ADGRL3: variants seen among roughly 807,000 people sequenced by gnomAD.
ADGRL3 encodes the protein adhesion G protein-coupled receptor L3, also known as calcium-independent alpha-latrotoxin receptor 3.
ADGRL3 carries 62 observed loss-of-function variants against 153.5 expected under a neutral mutation model. The observed-to-expected ratio is 0.40, with a 90% CI of 0.33 to 0.50. The LOEUF is 0.50. ADGRL3 is among the 20% of genes least tolerant of loss of function. The pLI, the probability that ADGRL3 is intolerant of heterozygous loss-of-function variation, is 0.47. For missense variants in ADGRL3, 1,641 were observed against 1,859.4 expected, an observed-to-expected ratio of 0.88 and a Z score of 2.16; for synonymous variants, 710 against 672.5, an observed-to-expected ratio of 1.06 and a Z score of -0.86.
intron 6 of ADGRL3, among the ~76,000 whole-genome samples, chr4:61,691,450 T>C (rs1273090279): frequency 6.6e-6 from 1 of 152,164 alleles, no homozygotes; most frequent in Non-Finnish European, 1.5e-5. Flanking sequence ...TCCTTTTTTA[T>C]GGATATTGGA....
At chr4:61,693,293 G>A (rs951962143) in intron 6 of ADGRL3, among the ~76,000 whole-genome samples, 2 of 151,554 alleles carry the variant, frequency 1.3e-5, no homozygotes, top group African/African-American at 4.9e-5. Context: ...ACAGTAAAGT[G>A]TCATGTTCAC....
At chr4:61,467,726 A>AT (rs1579029339) in intron 2 of ADGRL3, among the ~76,000 whole-genome samples, 1 of 152,280 alleles carries the variant, frequency 6.6e-6, no homozygotes, top group East Asian at 1.9e-4. Context: ...AGTTTGATTA[A>AT]TTTTCAGTAG....
At chr4:61,434,936 G>C (rs114942548) in intron 2 of ADGRL3, among the ~76,000 whole-genome samples, 5 of 151,998 alleles carry the variant, frequency 3.3e-5, no homozygotes, top group Non-Finnish European at 5.9e-5. Flanking sequence ...AAACAAAACT[G>C]ATTTGTATGG....
chr4:61,954,205 T>G (rs2098957802), intron 17 of ADGRL3, among the ~76,000 whole-genome samples: 2 of 152,140 alleles, frequency 1.3e-5, no homozygotes, highest in African/African-American at 4.8e-5. Flanking sequence ...TTTCAGATGC[T>G]CTGGTCCTAA....
At chr4:61,501,280 G>A (rs2098383885) in intron 3 of ADGRL3, among the ~76,000 whole-genome samples, 1 of 152,182 alleles carries the variant, frequency 6.6e-6, no homozygotes, top group Admixed American at 6.5e-5. Context: ...CTAAAAATGT[G>A]TAGCTTAATA....
chr4:61,811,259 A>T (rs2148585603), intron 8 of ADGRL3, among the ~76,000 whole-genome samples: 1 of 152,302 alleles, frequency 6.6e-6, no homozygotes. Flanking sequence ...TGGATAAATT[A>T]AATGTAGTAT....
rs896956643 is a variant in ADGRL3, at chr4:61,947,329, G to A, written c.2628+207G>A. On this transcript the variant is annotated intron_variant, in intron 16 of 26. Coordinates refer to ENST00000683033, the MANE Select transcript of ADGRL3 (RefSeq NM_001387552.1). ...ATATATGTAAATACTTATGGTGAAA[G>A]CATTCATAGATGGATTTATAATTGC... is the stretch of plus-strand genomic sequence containing the variant. Among the ~76,000 whole-genome samples the A allele has an allele frequency of 3.9e-5, 6 of 152,122 alleles. No individual in the cohort carries two copies. The East Asian group carries it at 1.2e-3, about 29-fold the overall frequency.
intron 4 of ADGRL3, among the ~76,000 whole-genome samples, chr4:61,572,243 T>A (rs1484347558): frequency 1.3e-5 from 2 of 152,112 alleles, no homozygotes; most frequent in Non-Finnish European, 2.9e-5. Flanking sequence ...AAAGTGCAAA[T>A]ATTATCCCAG....
At chr4:61,360,517 T>C (rs924201066) in intron 1 of ADGRL3, among the ~76,000 whole-genome samples, 4 of 152,202 alleles carry the variant, frequency 2.6e-5, no homozygotes, top group African/African-American at 9.6e-5. Context: ...CGGCAAGTTA[T>C]GGTTGGTAAA....
At chr4:61,642,349 T>A (rs2093721097) in intron 5 of ADGRL3, among the ~76,000 whole-genome samples, 1 of 152,228 alleles carries the variant, frequency 6.6e-6, no homozygotes, top group South Asian at 2.1e-4. Flanking sequence ...GTTTTAGACA[T>A]GAAGTCCTTG....
intron 17 of ADGRL3, among the ~76,000 whole-genome samples, chr4:61,966,972 T>C (rs2099009168): frequency 6.6e-6 from 1 of 152,162 alleles, no homozygotes; most frequent in Non-Finnish European, 1.5e-5. Flanking sequence ...AATATTTAGC[T>C]ACCAGTTAGG....
chr4:61,908,517 T>C (rs2136870), intron 11 of ADGRL3, among the ~76,000 whole-genome samples: 140,829 of 151,262 alleles, frequency 0.93, 65,884 homozygotes, highest in East Asian at 1. Flanking sequence ...GGCAGCTACT[T>C]GGGAGGCTTG....
At chr4:61,731,125 G>A (rs1281706386) in intron 7 of ADGRL3, among the ~76,000 whole-genome samples, 11 of 151,824 alleles carry the variant, frequency 7.2e-5, no homozygotes, top group Admixed American at 5.3e-4. Flanking sequence ...TATAATTATA[G>A]CAAGCATATG....
At chr4:61,386,159 G>A (rs938792915) in intron 2 of ADGRL3, among the ~76,000 whole-genome samples, 1 of 152,084 alleles carries the variant, frequency 6.6e-6, no homozygotes, top group Admixed American at 6.6e-5. Context: ...TCGCTTTTAT[G>A]TAGCCCTAAC....
At chr4:61,541,433 T>G (rs2098689819) in intron 4 of ADGRL3, among the ~76,000 whole-genome samples, 1 of 150,064 alleles carries the variant, frequency 6.7e-6, no homozygotes. Context: ...TGGACTTTCC[T>G]GTAATCCCAT....
chr4:61,676,195 C>A (rs1296808178), intron 5 of ADGRL3, among the ~76,000 whole-genome samples: 1 of 151,708 alleles, frequency 6.6e-6, no homozygotes, highest in African/African-American at 2.4e-5. Context: ...AAGTAATCCA[C>A]GAGGATTGTA....
At chr4:61,899,749 T>G (rs548658484) in intron 11 of ADGRL3, among the ~76,000 whole-genome samples, 1 of 152,164 alleles carries the variant, frequency 6.6e-6, no homozygotes, top group African/African-American at 2.4e-5. Context: ...AAGTCCAAGA[T>G]CAGGGTGCTG....
intron 2 of ADGRL3, among the ~76,000 whole-genome samples, chr4:61,465,264 C>A (rs1383753468): frequency 6.6e-6 from 1 of 152,022 alleles, no homozygotes; most frequent in Non-Finnish European, 1.5e-5. Context: ...ACTTTAAATA[C>A]CATTTCATTT....
intron 21 of ADGRL3, among the ~76,000 whole-genome samples, chr4:62,002,640 A>G (rs114742068): frequency 0.013 from 1,912 of 152,046 alleles, 26 homozygotes; most frequent in Middle Eastern, 0.048. Context: ...GGATTTAACT[A>G]AAAAAGTAAT....
Sources: allele counts gnomAD v4.1 joint callset (sites outside exome capture counted in the v4.1 genomes callset), GRCh38; gene constraint gnomAD v4.1.1; transcripts MANE v1.5; gene names NCBI Gene and HGNC (gene_info 2026-07-23, HGNC 2026-07-21).